Variants in ADCY3 observed in about 807,000 individuals in gnomAD.
ADCY3 encodes adenylate cyclase 3.
A neutral mutation model predicts 119.4 loss-of-function variants in ADCY3; 70 were observed. The ratio of observed to expected loss-of-function variants is 0.59; its 90% CI spans 0.48 to 0.72. The LOEUF (loss-of-function observed/expected upper bound fraction) is 0.72, where lower values mean the gene tolerates loss of function less well. ADCY3 is among the 30% of genes least tolerant of loss of function. The pLI is 0.00. For synonymous variants in ADCY3, 672 were observed against 621.4 expected (o/e 1.08, Z -1.21); for missense variants, 1,238 against 1,541.6 (o/e 0.80, Z 3.30).
In ADCY3 at chr2:24,819,521, G is replaced by A. The variant is rs1396503797; in HGVS notation, c.*411C>T. On this transcript the variant is annotated 3_prime_UTR_variant, in exon 22 of 22. Transcript: ENST00000679454. ...ATGGAGACCTCCCTTCAAAATGGGAGCCATGTCCTGCCCCACCAAGCCCTG... is the reference window on the plus strand; with the variant it reads ...ATGGAGACCTCCCTTCAAAATGGGAACCATGTCCTGCCCCACCAAGCCCTG... 6.3e-6 allele frequency: 1 copy of A among 157,900 alleles called. No homozygotes were observed. The highest frequency in any genetic ancestry group is 1.4e-5 in the Non-Finnish European group (1 of 71,554). 9.8% of individuals were successfully genotyped at this position (157,900 alleles called of 1,614,324 possible). A position where few individuals can be genotyped will look rare whatever the true frequency, so the allele number is the denominator to read the frequency against.
chr2:24,850,751 C>A (rs1326803018), intron 3 of ADCY3, among the ~76,000 whole-genome samples: 1 of 152,180 alleles, frequency 6.6e-6, no homozygotes, highest in Non-Finnish European at 1.5e-5. Context: ...GCCCAAATAC[C>A]CAGCAAATGG....
intron 3 of ADCY3, among the ~76,000 whole-genome samples, chr2:24,844,386 C>T (rs992475356): frequency 1.3e-5 from 2 of 152,086 alleles, no homozygotes; most frequent in Non-Finnish European, 2.9e-5. Flanking sequence ...GGCTGGATGG[C>T]TGTGGGTCCC....
rs1667715837 is a variant in ADCY3, at chr2:24,821,552, T to G, written c.3092A>C (p.Asn1031Thr). ...CATGAAGTTATTGAAGGACTGGTTG[T>G]TGATGTTGGTGAGCGTATCCTTCAT... ...LAMKDTLTNI[N>T]NQSFNNFMLR... The change falls in exon 20 of 22, where the codon AAC (asparagine) becomes ACC (threonine). Residue 1031 changes from asparagine to threonine, a missense_variant. Physicochemically the swap from Asn to Thr is moderately conservative, Grantham distance 65. Coordinates refer to ENST00000679454, the MANE Select transcript of ADCY3 (RefSeq NM_004036.5). The G allele has an allele frequency of 1.2e-6, 2 of 1,614,022 alleles. No homozygotes were observed. Among genetic ancestry groups the G allele is most frequent in the Non-Finnish European group, 1.7e-6 (2 of 1,180,026 alleles).
In ADCY3 at chr2:24,857,991, A is replaced by ATTTTTTT. The variant is rs56672595; in HGVS notation, c.825+14572_825+14578dup. On this transcript the variant is annotated intron_variant, in intron 3 of 21. Transcript: ENST00000679454. ...AAGTCCTGAAATACTTGTGGTCTGA[A>ATTTTTTT]TTTTTTTTTTTTTTTTTTTTTTTTA... 1.1e-3 allele frequency among the ~76,000 whole-genome samples: 135 copies of ATTTTTTT among 122,388 alleles called. 1 individual carries two copies. The highest frequency in any genetic ancestry group is 2.7e-3 in the Admixed American group (31 of 11,428). 80.3% of individuals were successfully genotyped at this position (122,388 alleles called of 152,430 possible).
chr2:24,840,286 T>C (rs1463277923), intron 6 of ADCY3, among the ~76,000 whole-genome samples: 1 of 152,230 alleles, frequency 6.6e-6, no homozygotes, highest in Non-Finnish European at 1.5e-5. Context: ...GGGCCTCAGT[T>C]TCTCTCTGCC....
At chr2:24,861,099 A>C (rs1673591938) in intron 3 of ADCY3, among the ~76,000 whole-genome samples, 1 of 152,144 alleles carries the variant, frequency 6.6e-6, no homozygotes, top group South Asian at 2.1e-4. Flanking sequence ...AGAAATACAA[A>C]AATTAGCTGT....
intron 3 of ADCY3, among the ~76,000 whole-genome samples, chr2:24,864,736 C>T (rs1236578219): frequency 1.3e-5 from 2 of 152,164 alleles, no homozygotes; most frequent in Non-Finnish European, 2.9e-5. Context: ...TTAATGGGCA[C>T]AGAGTTTCTC....
chr2:24,846,245 T>G (rs1312920761), intron 3 of ADCY3, among the ~76,000 whole-genome samples: 1 of 152,094 alleles, frequency 6.6e-6, no homozygotes, highest in Non-Finnish European at 1.5e-5. Context: ...CACCGACACC[T>G]TGGCACCATG....
At chr2:24,854,880 T>A (rs896059881) in intron 3 of ADCY3, among the ~76,000 whole-genome samples, 4 of 152,006 alleles carry the variant, frequency 2.6e-5, no homozygotes, top group Non-Finnish European at 4.4e-5. Flanking sequence ...TGAAACCCCA[T>A]CCCTACTAAA....
chr2:24,848,717 G>A (rs1051028385), intron 3 of ADCY3, among the ~76,000 whole-genome samples: 4 of 152,218 alleles, frequency 2.6e-5, no homozygotes, highest in Admixed American at 6.5e-5. Flanking sequence ...ACAGTCACAT[G>A]ATAGAAAGTA....
intron 8 of ADCY3, 50 bp downstream of exon 8, chr2:24,838,395 A>C (rs1251974696): frequency 3.3e-6 from 4 of 1,220,326 alleles, no homozygotes; most frequent in South Asian, 2.7e-5. Context: ...CCAACCCCCT[A>C]ATCCAGGGGT....
intron 6 of ADCY3, chr2:24,840,506 A>G: frequency 4.3e-6 from 2 of 462,736 alleles, no homozygotes; most frequent in South Asian, 1.6e-5. Flanking sequence ...TTCCAGGGCA[A>G]TACTAGACGG....
intron 3 of ADCY3, among the ~76,000 whole-genome samples, chr2:24,855,765 G>A (rs1672922620): frequency 6.6e-6 from 1 of 152,196 alleles, no homozygotes; most frequent in South Asian, 2.1e-4. Context: ...GAGTTGAGAA[G>A]GGCCTGGGGC....
chr2:24,868,526 T>C lies in ADCY3; in HGVS notation c.825+4044A>G, dbSNP rs180803355. ...ATTAGCCGGGCGTGTTCCCAGCTACTCGGAGGCTGAGGCAAGAGGATACCT... is the reference window on the plus strand; with the variant it reads ...ATTAGCCGGGCGTGTTCCCAGCTACCCGGAGGCTGAGGCAAGAGGATACCT... On this transcript the variant is annotated intron_variant, in intron 3 of 21. Coordinates refer to ENST00000679454, the MANE Select transcript of ADCY3 (RefSeq NM_004036.5). Among the ~76,000 whole-genome samples the C allele has an allele frequency of 1.4e-4, 22 of 151,948 alleles. No individual in the cohort carries two copies. In the East Asian group the frequency reaches 4.3e-3, roughly 29 times the overall value.
At chr2:24,861,679 C>T (rs1377596844) in intron 3 of ADCY3, among the ~76,000 whole-genome samples, 1 of 152,196 alleles carries the variant, frequency 6.6e-6, no homozygotes, top group Non-Finnish European at 1.5e-5. Flanking sequence ...GTTTCTGAAA[C>T]GTCAAATCAG....
At chr2:24,844,065 A>G (rs1445872088) in intron 3 of ADCY3, among the ~76,000 whole-genome samples, 2 of 152,196 alleles carry the variant, frequency 1.3e-5, no homozygotes, top group Admixed American at 6.5e-5. Flanking sequence ...GACACAACTA[A>G]AGAAAGTGTG....
intron 2 of ADCY3, among the ~76,000 whole-genome samples, chr2:24,877,415 C>T (rs1675845589): frequency 6.6e-6 from 1 of 152,178 alleles, no homozygotes; most frequent in African/African-American, 2.4e-5. Context: ...GTGAGCATCC[C>T]CTACCTACCC....
At position 24,878,160 on chromosome 2, in the gene ADCY3, T is replaced by A. The variant is rs1322470810; in HGVS notation, c.676-5441A>T. ...AAAATATACAACATTTTTAGAATAATAAAATGCATCTCCCAAATGGATAAA... is the reference window on the plus strand; with the variant it reads ...AAAATATACAACATTTTTAGAATAAAAAAATGCATCTCCCAAATGGATAAA... On this transcript the variant is annotated intron_variant, in intron 2 of 21. Transcript: ENST00000679454. This position sits in a 1 kb window ranked among gnomAD's most constrained non-coding sequence, Gnocchi z 4.0. 1 of 259,930 alleles carries A rather than the reference T, an allele frequency of 3.8e-6. No individual in the cohort carries two copies. The highest frequency in any genetic ancestry group is 7.8e-6 in the Non-Finnish European group (1 of 128,302). The allele number at this position is 259,930 out of a possible 1,614,324, so 16.1% of individuals were successfully genotyped here.
At chr2:24,905,414 G>T (rs1473855335) in intron 2 of ADCY3, among the ~76,000 whole-genome samples, 1 of 152,182 alleles carries the variant, frequency 6.6e-6, no homozygotes, top group South Asian at 2.1e-4. Flanking sequence ...GATTACAGGC[G>T]TGAGCCACTG....
Sources: gnomAD v4.1 joint callset for allele counts (sites outside exome capture counted in the v4.1 genomes callset) on GRCh38, gnomAD v4.1.1 for gene constraint, Gnocchi (gnomAD v3.1) non-coding constraint, MANE v1.5 for transcripts, NCBI Gene and HGNC (gene_info 2026-07-23, HGNC 2026-07-21) for gene names.